The following SLC30A8 variants were observed in gnomAD, a reference collection of about 807,000 sequenced individuals.
SLC30A8 encodes solute carrier family 30 member 8.
Under a neutral mutation model 36.9 loss-of-function variants are expected in SLC30A8, and 27 were observed. The ratio of observed to expected loss-of-function variants is 0.73; its 90% confidence interval spans 0.54 to 1.01. The LOEUF is 1.01. Among genes scored for constraint, SLC30A8 ranks in the 50% least tolerant of loss-of-function variants. The pLI is 0.00. For synonymous variants in SLC30A8, 164 were observed against 172.4 expected (o/e 0.95, Z 0.38); for missense variants, 439 against 452.0 (o/e 0.97, Z 0.26).
chr8:116,969,394 C>G (rs552362070), intron 1 of SLC30A8, among the ~76,000 whole-genome samples: 1 of 152,112 alleles, frequency 6.6e-6, no homozygotes, highest in Non-Finnish European at 1.5e-5. Context: ...CAAACTTGGG[C>G]AAGTTACCTG....
At chr8:116,993,778 C>T (rs541761184) in intron 1 of SLC30A8, among the ~76,000 whole-genome samples, 1 of 151,784 alleles carries the variant, frequency 6.6e-6, no homozygotes, top group African/African-American at 2.4e-5. Context: ...GCATGAAGGG[C>T]ATATCAGCAG....
intron 1 of SLC30A8, among the ~76,000 whole-genome samples, chr8:116,975,915 AC>A (rs1325834850): frequency 6.6e-6 from 1 of 152,206 alleles, no homozygotes; most frequent in Non-Finnish European, 1.5e-5. Context: ...CCCTCAGACA[AC>A]GATCATTTGA....
At chr8:117,150,925 G>T (rs1822154647) in intron 2 of SLC30A8, among the ~76,000 whole-genome samples, 1 of 151,846 alleles carries the variant, frequency 6.6e-6, no homozygotes, top group Admixed American at 6.6e-5. Context: ...CTTAAATACA[G>T]ATCTCAACAT....
intron 2 of SLC30A8, among the ~76,000 whole-genome samples, chr8:117,069,380 C>T (rs568123267): frequency 7.2e-4 from 110 of 152,294 alleles, no homozygotes; most frequent in African/African-American, 2.4e-3. Context: ...CCTTACAGAG[C>T]ACTTAGCATA....
At chr8:117,052,559 T>C (rs879880643) in intron 2 of SLC30A8, among the ~76,000 whole-genome samples, 2 of 152,226 alleles carry the variant, frequency 1.3e-5, no homozygotes, top group African/African-American at 2.4e-5. Context: ...ACCTTTTTTA[T>C]CTTACTCAGA....
intron 1 of SLC30A8, among the ~76,000 whole-genome samples, chr8:117,030,872 A>T (rs1817022086): frequency 6.6e-6 from 1 of 152,054 alleles, no homozygotes; most frequent in South Asian, 2.1e-4. Flanking sequence ...TTCAAGAAGT[A>T]TGGGAAAATA....
At chr8:117,097,444 T>A in intron 2 of SLC30A8, among the ~76,000 whole-genome samples, 1 of 117,954 alleles carries the variant, frequency 8.5e-6, no homozygotes, top group Non-Finnish European at 1.7e-5. Flanking sequence ...TATAATTATA[T>A]ATTATATATA....
chr8:117,169,998 A>C (rs980151033), intron 6 of SLC30A8, among the ~76,000 whole-genome samples: 5 of 152,172 alleles, frequency 3.3e-5, no homozygotes, highest in Non-Finnish European at 7.4e-5. Flanking sequence ...GTATTTTTAA[A>C]AACATGTAGT....
At chr8:117,031,651 A>C (rs185830021) in intron 1 of SLC30A8, among the ~76,000 whole-genome samples, 4 of 152,106 alleles carry the variant, frequency 2.6e-5, no homozygotes, top group African/African-American at 9.6e-5. Flanking sequence ...TTTAGTAGAG[A>C]TAAGGTTTCA....
chr8:116,989,294 T>C (rs1563736794), intron 1 of SLC30A8, among the ~76,000 whole-genome samples: 2 of 152,196 alleles, frequency 1.3e-5, no homozygotes, highest in Admixed American at 6.5e-5. Flanking sequence ...TAGGTGTCTA[T>C]TTATGCATCT....
intron 2 of SLC30A8, among the ~76,000 whole-genome samples, chr8:117,083,622 A>C (rs1389359800): frequency 6.6e-6 from 1 of 152,094 alleles, no homozygotes; most frequent in African/African-American, 2.4e-5. Flanking sequence ...TTGCACAGAA[A>C]TCTTTATCTT....
chr8:117,105,311 C>G (rs942876464), intron 2 of SLC30A8, among the ~76,000 whole-genome samples: 4 of 152,260 alleles, frequency 2.6e-5, no homozygotes, highest in South Asian at 2.1e-4. Flanking sequence ...CTTCCAGCCT[C>G]TATCCATTAT....
chr8:116,979,778 A>G (rs1563732635), intron 1 of SLC30A8, among the ~76,000 whole-genome samples: 1 of 152,178 alleles, frequency 6.6e-6, no homozygotes, highest in Non-Finnish European at 1.5e-5. Flanking sequence ...GTCGCTACCC[A>G]TGAAAGCAGT....
intron 2 of SLC30A8, among the ~76,000 whole-genome samples, chr8:117,125,663 T>C (rs12679333): frequency 0.17 from 26,067 of 151,718 alleles, 2,666 homozygotes; most frequent in East Asian, 0.27. Flanking sequence ...GTTACAAGAA[T>C]GATAAAATGG....
At chr8:117,148,713 G>T (rs2130970910) in intron 2 of SLC30A8, among the ~76,000 whole-genome samples, 2 of 152,096 alleles carry the variant, frequency 1.3e-5, no homozygotes, top group Middle Eastern at 6.8e-3. Context: ...GTCTCATCAA[G>T]GTTTTATGGT....
Position 117,144,488 on chromosome 8 carries a change from T to C in SLC30A8, c.72-2466T>C, listed in dbSNP as rs904850426. 5.9e-5 allele frequency among the ~76,000 whole-genome samples: 9 copies of C among 152,120 alleles called. No individual in the cohort carries two copies. The East Asian group carries it at 1.4e-3, about 23-fold the overall frequency. Reference sequence around the variant, plus strand: ...AAGATTCCACTTTAAGGAGATAATATATTGAGCAAAGATTAATTATAAGGA... The same window carrying C: ...AAGATTCCACTTTAAGGAGATAATACATTGAGCAAAGATTAATTATAAGGA... On this transcript the variant is annotated intron_variant, in intron 1 of 7. Transcript: ENST00000456015.
chr8:117,054,943 A>G (rs925131707), intron 2 of SLC30A8, among the ~76,000 whole-genome samples: 2 of 152,116 alleles, frequency 1.3e-5, no homozygotes, highest in African/African-American at 2.4e-5. Context: ...AGGAGAGCAA[A>G]TGGTTTCTAG....
intron 1 of SLC30A8, among the ~76,000 whole-genome samples, chr8:117,020,390 G>T (rs1341912781): frequency 2.6e-5 from 4 of 152,096 alleles, no homozygotes; most frequent in African/African-American, 9.7e-5. Context: ...TATTGTCAAG[G>T]GTAGGAGGAA....
chr8:117,052,106 G>C (rs931944003), intron 2 of SLC30A8, among the ~76,000 whole-genome samples: 1 of 152,144 alleles, frequency 6.6e-6, no homozygotes, highest in African/African-American at 2.4e-5. Flanking sequence ...TGCCTCCCGG[G>C]TTCAAGCGAT....
Sources: allele counts gnomAD v4.1 joint callset (sites outside exome capture counted in the v4.1 genomes callset), GRCh38; gene constraint gnomAD v4.1.1; transcripts MANE v1.5; gene names NCBI Gene and HGNC (gene_info 2026-07-23, HGNC 2026-07-21).